Variants in PLCH1 observed in about 807,000 individuals in gnomAD.
PLCH1 encodes the protein phospholipase C eta 1.
PLCH1 carries 60 observed loss-of-function variants against 126.7 expected under a neutral mutation model. That is an observed-to-expected ratio of 0.47 (90% CI 0.38 to 0.59). The LOEUF is 0.59. Among genes scored for constraint, PLCH1 ranks in the 20% least tolerant of loss-of-function variants. PLCH1 has a pLI of 0.00. For missense variants in PLCH1, 1,723 were observed against 2,040.0 expected (o/e 0.84, Z 2.99); for synonymous variants, 719 against 734.9 (o/e 0.98, Z 0.35).
At position 155,480,885 on chromosome 3, in the gene PLCH1, C is replaced by T. The variant is rs1471481380; in HGVS notation, c.*83G>A. On this transcript the variant is annotated 3_prime_UTR_variant, in exon 23 of 23. Transcript: ENST00000460012. ...TTTAAAAATACATTTGAAAATCATTCCAAAGCCAAGGAACTTATTTACTGA... is the reference window on the plus strand; with the variant it reads ...TTTAAAAATACATTTGAAAATCATTTCAAAGCCAAGGAACTTATTTACTGA... 3.4e-6 allele frequency: 4 copies of T among 1,191,536 alleles called. No individual in the cohort carries two copies. The highest frequency in any genetic ancestry group is 4.7e-6 in the Non-Finnish European group (4 of 852,756). 73.8% of individuals were successfully genotyped at this position (1,191,536 alleles called of 1,614,324 possible).
At chr3:155,626,151 T>G (rs1299176664) in intron 2 of PLCH1, among the ~76,000 whole-genome samples, 1 of 152,076 alleles carries the variant, frequency 6.6e-6, no homozygotes, top group Non-Finnish European at 1.5e-5. Flanking sequence ...CTGCATGTTC[T>G]CATTCGTAAG....
At chr3:155,472,510 C>T (rs1713315618) in intron 21 of PLCH1, among the ~76,000 whole-genome samples, 1 of 150,722 alleles carries the variant, frequency 6.6e-6, no homozygotes, top group Non-Finnish European at 1.5e-5. Flanking sequence ...CAAGGAGGAA[C>T]TGGTACCATT....
chr3:155,488,741 G>T lies in PLCH1; in HGVS notation c.2458C>A (p.Arg820=), dbSNP rs1403429876. Residue 820 remains arginine (R), a synonymous_variant, in exon 20 of 23, where the codon CGG becomes AGG. Transcript: ENST00000460012. ...GGATCGTGATCCCACACAAGGAACC[G>T]AACCAAAGCTATTTCTGGCATGTGT... ...TVHMPEIALV[R]FLVWDHDPIG... 1.2e-6 allele frequency: 2 copies of T among 1,613,848 alleles called. No individual in the cohort carries two copies. Among genetic ancestry groups the T allele is most frequent in the Non-Finnish European group, 1.7e-6 (2 of 1,179,808 alleles).
rs533547466 is a variant in PLCH1 at position 155,724,418 on chromosome 3, G to A, written c.-40-20154C>T. ...TAGTAATTGTTTTATAAATTTGGGA[G>A]CTCCAGTGTCAGGTGCATATATATT... On this transcript the variant is annotated intron_variant, in intron 1 of 22. Coordinates refer to ENST00000460012, the MANE Select transcript of PLCH1 (RefSeq NM_014996.4). Among the ~76,000 whole-genome samples, 280 of 152,224 alleles carry A rather than the reference G, an allele frequency of 1.8e-3. 1 individual carries two copies. The highest frequency in any genetic ancestry group is 6.5e-3 in the African/African-American group (271 of 41,542).
At chr3:155,546,073 A>T (rs868428206) in intron 10 of PLCH1, among the ~76,000 whole-genome samples, 5 of 152,302 alleles carry the variant, frequency 3.3e-5, no homozygotes, top group Non-Finnish European at 7.4e-5. Flanking sequence ...AAGGGTATTC[A>T]ATTAGGAAAA....
In PLCH1 at chr3:155,481,833, T is replaced by C; in HGVS notation, c.4193A>G (p.Asn1398Ser). The C allele has an allele frequency of 1.2e-6, 2 of 1,614,182 alleles. No individual in the cohort carries two copies. The highest frequency in any genetic ancestry group is 1.1e-5 in the South Asian group (1 of 91,088). Residue 1398 changes from asparagine (N) to serine (S), a missense_variant, in exon 23 of 23, where the codon AAC becomes AGC. By Grantham distance (46) the Asn-to-Ser change is conservative. Around this residue, in one of 2 missense-constraint regions of PLCH1, gnomAD observed 947 missense variants for 977.1 expected, o/e 0.97. Transcript: ENST00000460012. The surrounding 1 kb of genome is among the most constrained non-coding windows in gnomAD (Gnocchi z 4.2). Reference protein sequence around the residue: ...VVEHFQRGLRNGYCKETLRPS... With the variant: ...VVEHFQRGLRSGYCKETLRPS... The stretch of plus-strand genomic sequence containing the variant: ...GCGGAGGGTCTCTTTACAGTAGCCG[T>C]TTCTCAAACCTCTTTGAAAGTGTTC...
chr3:155,684,572 G>A (rs976517700), intron 2 of PLCH1, among the ~76,000 whole-genome samples: 1 of 152,034 alleles, frequency 6.6e-6, no homozygotes, highest in Non-Finnish European at 1.5e-5. Context: ...TAATGTCTGA[G>A]GAAGACATTT....
intron 1 of PLCH1, among the ~76,000 whole-genome samples, chr3:155,722,806 G>A (rs373744472): frequency 2.6e-5 from 4 of 152,258 alleles, no homozygotes; most frequent in East Asian, 1.9e-4. Flanking sequence ...TCTTTTCCTG[G>A]TTTGGGTATT....
intron 10 of PLCH1, among the ~76,000 whole-genome samples, chr3:155,548,660 T>G (rs1011515982): frequency 2.0e-5 from 3 of 152,262 alleles, no homozygotes; most frequent in Non-Finnish European, 4.4e-5. Flanking sequence ...TTTCATTTTC[T>G]AACCCACAAA....
chr3:155,466,484 CT>C (rs1387164921), intron 21 of PLCH1, among the ~76,000 whole-genome samples: 5 of 152,174 alleles, frequency 3.3e-5, no homozygotes, highest in Non-Finnish European at 5.9e-5. Flanking sequence ...CACTCAAATT[CT>C]TTCAAATACC....
intron 2 of PLCH1, among the ~76,000 whole-genome samples, chr3:155,647,961 G>C (rs772480139): frequency 9.9e-5 from 15 of 152,162 alleles, no homozygotes; most frequent in Non-Finnish European, 2.9e-5. Flanking sequence ...AATTCTGGTA[G>C]AGGTCCTGAA....
intron 2 of PLCH1, among the ~76,000 whole-genome samples, chr3:155,648,777 A>G (rs1189192508): frequency 2.0e-5 from 3 of 152,206 alleles, no homozygotes; most frequent in African/African-American, 7.2e-5. Context: ...ATGACAGAGG[A>G]CCTGGCACAG....
intron 10 of PLCH1, among the ~76,000 whole-genome samples, chr3:155,539,329 C>G (rs535238778): frequency 1.4e-4 from 22 of 152,238 alleles, no homozygotes; most frequent in African/African-American, 5.3e-4. Flanking sequence ...AAAGCATTCC[C>G]CCTGAGAACT....
intron 2 of PLCH1, among the ~76,000 whole-genome samples, chr3:155,657,526 G>A (rs1307054079): frequency 6.6e-6 from 1 of 152,150 alleles, no homozygotes; most frequent in Non-Finnish European, 1.5e-5. Context: ...ACCACCCACA[G>A]CGAGATTGGG....
chr3:155,537,984 A>C (rs1318560356), intron 10 of PLCH1, among the ~76,000 whole-genome samples: 1 of 152,156 alleles, frequency 6.6e-6, no homozygotes, highest in Non-Finnish European at 1.5e-5. Context: ...TCCAAGACAG[A>C]CCATATGACA....
At chr3:155,512,578 CG>C (rs781634726) in intron 12 of PLCH1, among the ~76,000 whole-genome samples, 12 of 151,990 alleles carry the variant, frequency 7.9e-5, no homozygotes, top group Non-Finnish European at 1.6e-4. Context: ...ATGGGGAAGA[CG>C]AAGTGTACTA....
rs753259872 is a variant in PLCH1 at position 155,485,671 on chromosome 3, T to C, written c.2659A>G (p.Asn887Asp). The stretch of plus-strand genomic sequence containing the variant: ...TTTTCTGAAGAACTGTGCCTAGGAT[T>C]CTTATTGAACAGTCCCTTCAGACCC... ...LQGLKGLFNK[N>D]PRHSSSENNS... Residue 887 changes from asparagine (N) to aspartate (D), a missense_variant, in exon 22 of 23, where the codon AAT (asparagine) becomes GAT (aspartate). This residue lies in a region of PLCH1 where 947 missense variants were observed against 977.1 expected (regional missense o/e 0.97). Transcript: ENST00000460012. 6.2e-7 allele frequency: 1 copy of C among 1,605,252 alleles called. No individual in the cohort carries two copies. Among genetic ancestry groups the C allele is most frequent in the Non-Finnish European group, 8.5e-7 (1 of 1,179,904 alleles).
chr3:155,688,474 C>A (rs1213289395), intron 2 of PLCH1, among the ~76,000 whole-genome samples: 1 of 152,208 alleles, frequency 6.6e-6, no homozygotes, highest in Non-Finnish European at 1.5e-5. Context: ...CACCATTCAT[C>A]CCCACTGCTG....
intron 10 of PLCH1, among the ~76,000 whole-genome samples, chr3:155,536,691 C>A (rs771824724): frequency 2.6e-5 from 4 of 151,908 alleles, no homozygotes; most frequent in Non-Finnish European, 5.9e-5. Context: ...AATGAACAAA[C>A]CTAAGAATAC....
Sources: allele counts gnomAD v4.1 joint callset (sites outside exome capture counted in the v4.1 genomes callset), GRCh38; gene constraint gnomAD v4.1.1; regional missense constraint gnomAD v4.1.1; non-coding constraint Gnocchi (gnomAD v3.1); transcripts MANE v1.5; gene names NCBI Gene and HGNC (gene_info 2026-07-23, HGNC 2026-07-21).